DKKL1: variants seen among roughly 807,000 people sequenced by gnomAD.
DKKL1 encodes the protein dickkopf like acrosomal protein 1.
Under a neutral mutation model 16.5 loss-of-function variants are expected in DKKL1, and 11 were observed. That is an observed-to-expected ratio of 0.67 (90% CI 0.42 to 1.10). The LOEUF (loss-of-function observed/expected upper bound fraction) is 1.10, where lower values mean the gene tolerates loss of function less well. DKKL1 is among the 50% of genes least tolerant of loss of function. The pLI is 0.00. For synonymous variants in DKKL1, 119 were observed against 133.2 expected, an observed-to-expected ratio of 0.89 and a Z score of 0.73; for missense variants, 320 against 308.1, an observed-to-expected ratio of 1.04 and a Z score of -0.29.
At chr19:49,366,854 C>T (rs574209552) in intron 4 of DKKL1, among the ~76,000 whole-genome samples, 3 of 151,552 alleles carry the variant, frequency 2.0e-5, no homozygotes, top group Admixed American at 6.6e-5. Context: ...ACTACAGGCG[C>T]GGACCACCAC....
chr19:49,373,320 AAC>A (rs1309452092), intron 4 of DKKL1, among the ~76,000 whole-genome samples: 4 of 150,976 alleles, frequency 2.6e-5, no homozygotes, highest in African/African-American at 9.8e-5. Context: ...AAAAAAAAAG[AAC>A]ACAGTCATGT....
chr19:49,366,692 T>G (rs7252677), intron 4 of DKKL1, among the ~76,000 whole-genome samples: 5,181 of 143,848 alleles, frequency 0.036, 281 homozygotes, highest in African/African-American at 0.13. Flanking sequence ...ATTTTTGGGG[T>G]TTTTTTTGTT....
chr19:49,365,399 T>C (rs2146765903), intron 2 of DKKL1, 110 bp from the exon 3 acceptor site: 2 of 1,334,510 alleles, frequency 1.5e-6, no homozygotes, highest in Non-Finnish European at 9.9e-7. Context: ...GTAAAGGGGA[T>C]GGGAGGGACT....
upstream of DKKL1, among the ~76,000 whole-genome samples, chr19:49,361,182 A>G (rs1972879531): frequency 2.6e-5 from 3 of 117,266 alleles, no homozygotes; most frequent in African/African-American, 6.8e-5. Flanking sequence ...GACCAGAGAG[A>G]GGGGTCCAGA....
chr19:49,374,898 T>G lies in DKKL1; in HGVS notation c.599T>G (p.Ile200Ser). 1 of 1,613,974 alleles carries G rather than the reference T, an allele frequency of 6.2e-7. No homozygotes were observed. The highest frequency in any genetic ancestry group is 1.6e-4 in the Middle Eastern group (1 of 6,062). The change falls in exon 5 of 5, where the codon ATC (isoleucine) becomes AGC (serine). Residue 200 changes from isoleucine (I) to serine (S), a missense_variant. Ile to Ser is a moderately radical substitution (Grantham distance 142). Coordinates refer to ENST00000221498, the MANE Select transcript of DKKL1 (RefSeq NM_014419.4). ...LSEKRHRLQAIRDGLRKGTHK... is the reference protein window; with the variant it reads ...LSEKRHRLQASRDGLRKGTHK... Reference sequence around the variant, plus strand: ...GAGAAGCGACACCGCCTGCAGGCCATCCGGGATGGACTCCGCAAGGGGACC... The same window carrying G: ...GAGAAGCGACACCGCCTGCAGGCCAGCCGGGATGGACTCCGCAAGGGGACC...
rs1441728370 is a variant in DKKL1 at position 49,364,634 on chromosome 19, C to T, written c.63C>T (p.Leu21=). Reference sequence around the variant, plus strand: ...ATCTGCTGGTCCTGCTGCTGCTCCTCTCTACCCTGGTGATCCCCTCCGCTG... The same window carrying T: ...ATCTGCTGGTCCTGCTGCTGCTCCTTTCTACCCTGGTGATCCCCTCCGCTG... The part of the protein sequence containing the change: ...RRHLLVLLLL[L]STLVIPSAAA... The change falls in exon 2 of 5, where the codon CTC becomes CTT. Residue 21 remains leucine (L), a synonymous_variant. Transcript: ENST00000221498. The T allele has an allele frequency of 6.2e-7, 1 of 1,613,670 alleles. No individual in the cohort carries two copies. The highest frequency in any genetic ancestry group is 1.7e-5 in the Admixed American group (1 of 60,022).
In DKKL1 at chr19:49,365,500, C is replaced by T. The variant is rs768963206; in HGVS notation, c.184-9C>T. ...TCCAGCAGCTCACCAGTCCCTCCTCCGGCCCCAGGGTAACCTGCTTCGGGG... is the reference window on the plus strand; with the variant it reads ...TCCAGCAGCTCACCAGTCCCTCCTCTGGCCCCAGGGTAACCTGCTTCGGGG... On this transcript the variant is annotated splice_polypyrimidine_tract_variant and intron_variant, in intron 2 of 4. Coordinates refer to ENST00000221498, the MANE Select transcript of DKKL1 (RefSeq NM_014419.4). 2.4e-5 allele frequency: 38 copies of T among 1,588,966 alleles called. No individual in the cohort carries two copies. Among genetic ancestry groups the T allele is most frequent in the Middle Eastern group, 2.1e-4 (1 of 4,866 alleles).
intron 4 of DKKL1, among the ~76,000 whole-genome samples, chr19:49,373,374 T>C (rs1436345234): frequency 6.6e-6 from 1 of 152,024 alleles, no homozygotes; most frequent in Non-Finnish European, 1.5e-5. Context: ...TCACCAATTA[T>C]ATCTTCAATG....
intron 2 of DKKL1, 95 bp from the exon 3 acceptor site, chr19:49,365,414 G>A: frequency 7.0e-7 from 1 of 1,430,768 alleles, no homozygotes; most frequent in Non-Finnish European, 9.2e-7. Context: ...GGGACTTGGG[G>A]CAAGGCCTCG....
chr19:49,370,948 AC>A (rs1364936637), intron 4 of DKKL1: 2 of 152,226 alleles, frequency 1.3e-5, no homozygotes, highest in Non-Finnish European at 2.9e-5. Context: ...GGCCGTTGTC[AC>A]CGTGAAAGGC....
At chr19:49,366,101 G>A (rs1042058328) in intron 4 of DKKL1, among the ~76,000 whole-genome samples, 1 of 151,950 alleles carries the variant, frequency 6.6e-6, no homozygotes, top group African/African-American at 2.4e-5. Context: ...CTAATTTTTT[G>A]TATTTTTTTA....
chr19:49,364,668 A>G lies in DKKL1; in HGVS notation c.97A>G (p.Ile33Val). ...GGTGATCCCCTCCGCTGCAGCTCCT[A>G]TCCATGATGCTGACGCCCAAGAGAG... is the stretch of plus-strand genomic sequence containing the variant. ...TLVIPSAAAPIHDADAQESSL... is the reference protein window; with the variant it reads ...TLVIPSAAAPVHDADAQESSL... Residue 33 changes from isoleucine (I) to valine (V), a missense_variant, in exon 2 of 5, where the codon ATC (isoleucine) becomes GTC (valine). Coordinates refer to ENST00000221498, the MANE Select transcript of DKKL1 (RefSeq NM_014419.4). 3.1e-6 allele frequency: 5 copies of G among 1,614,112 alleles called. No homozygotes were observed. In the South Asian group the frequency reaches 5.5e-5, roughly 18 times the overall value.
upstream of DKKL1, chr19:49,362,525 G>A (rs894702793): frequency 1.3e-5 from 2 of 152,220 alleles, no homozygotes; most frequent in African/African-American, 2.4e-5. Flanking sequence ...GTGACAGTTT[G>A]GGGAAGGATT....
Position 49,363,889 on chromosome 19 carries a change from G to A in DKKL1, c.-110G>A, listed in dbSNP as rs947662378. ...AACGCTCTAGACCAGACCTGGGCTC[G>A]AGACCATAACTGTTTGGCTTTAACA... On this transcript the variant is annotated 5_prime_UTR_variant, in exon 1 of 5. Transcript: ENST00000221498. 8 of 1,480,126 alleles carry A rather than the reference G, an allele frequency of 5.4e-6. 1 individual carries two copies. Among genetic ancestry groups the A allele is most frequent in the South Asian group, 1.2e-5 (1 of 82,750 alleles). The allele number at this position is 1,480,126 out of a possible 1,614,324, so 91.7% of individuals were successfully genotyped here. A position where few individuals can be genotyped will look rare whatever the true frequency, so the allele number is the denominator to read the frequency against.
rs976797745 is a variant in DKKL1, at chr19:49,364,132, T to G, written c.10+124T>G. On this transcript the variant is annotated intron_variant, in intron 1 of 4. Transcript: ENST00000221498. Reference sequence around the variant, plus strand: ...TGGGAGGCCCAGGTGGGCGGATCGCTTGAGATCAGGAGTTCGAGACCAGCC... The same window carrying G: ...TGGGAGGCCCAGGTGGGCGGATCGCGTGAGATCAGGAGTTCGAGACCAGCC... The G allele has an allele frequency of 8.2e-4, 1,080 of 1,320,760 alleles. 20 individuals carry two copies. Among genetic ancestry groups the G allele is most frequent in the Non-Finnish European group, 1.6e-4 (151 of 949,980 alleles). The allele number at this position is 1,320,760 out of a possible 1,614,324, so 81.8% of individuals were successfully genotyped here. A position where few individuals can be genotyped will look rare whatever the true frequency, so the allele number is the denominator to read the frequency against.
chr19:49,374,756 CAGA>C lies in DKKL1; in HGVS notation c.460_462del (p.Lys154del). ...GGAGAAGGAGGCCCTGGTACCCATC[CAGA>C]AGGCCACGGACAGCTTCCACACAGA... On this transcript the variant is annotated inframe_deletion, in exon 5 of 5. Coordinates refer to ENST00000221498, the MANE Select transcript of DKKL1 (RefSeq NM_014419.4). The C allele has an allele frequency of 6.4e-7, 1 of 1,572,470 alleles. No homozygotes were observed.
Position 49,374,935 on chromosome 19 carries a change from C to T in DKKL1, c.636C>T (p.Val212=). The change falls in exon 5 of 5, where the codon GTC becomes GTT. Residue 212 remains valine, a synonymous_variant. Transcript: ENST00000221498. Reference sequence around the variant, plus strand: ...TCCGCAAGGGGACCCACAAGGACGTCCTAGAAGAGGGGACCGAGAGCTCCT... The same window carrying T: ...TCCGCAAGGGGACCCACAAGGACGTTCTAGAAGAGGGGACCGAGAGCTCCT... ...DGLRKGTHKD[V]LEEGTESSSH... 1.2e-6 allele frequency: 2 copies of T among 1,613,948 alleles called. No individual in the cohort carries two copies. The highest frequency in any genetic ancestry group is 1.7e-6 in the Non-Finnish European group (2 of 1,179,946).
intron 4 of DKKL1, chr19:49,369,483 C>G (rs1973389363): frequency 6.6e-6 from 1 of 152,082 alleles, no homozygotes. Context: ...AATAGTACAA[C>G]AGATTTTAGG....
Position 49,365,532 on chromosome 19 carries a change from C to G in DKKL1, c.207C>G (p.Asp69Glu), listed in dbSNP as rs975413217. 2.5e-6 allele frequency: 4 copies of G among 1,611,640 alleles called. No homozygotes were observed. The African/African-American group carries it at 5.3e-5, about 22-fold the overall frequency. ...AGGGTAACCTGCTTCGGGGCATAGA[C>G]AGCTTATTCTCTGCCCCCATGGACT... Reference protein sequence around the residue: ...FLKGNLLRGIDSLFSAPMDFR... With the variant: ...FLKGNLLRGIESLFSAPMDFR... Residue 69 changes from aspartate (D) to glutamate (E), a missense_variant, in exon 3 of 5, where the codon GAC becomes GAG. Coordinates refer to ENST00000221498, the MANE Select transcript of DKKL1 (RefSeq NM_014419.4).
Sources: allele counts gnomAD v4.1 joint callset (sites outside exome capture counted in the v4.1 genomes callset), GRCh38; gene constraint gnomAD v4.1.1; transcripts MANE v1.5; gene names NCBI Gene and HGNC (gene_info 2026-07-23, HGNC 2026-07-21).